The following RASGRF1 variants were observed in gnomAD, a reference collection of about 807,000 sequenced individuals.
The protein encoded by RASGRF1 is Ras protein specific guanine nucleotide releasing factor 1.
Under a neutral mutation model 138.7 loss-of-function variants are expected in RASGRF1, and 40 were observed. The observed-to-expected ratio is 0.29, with a 90% confidence interval of 0.22 to 0.38. The LOEUF (loss-of-function observed/expected upper bound fraction) is 0.38. Among genes scored for constraint, RASGRF1 ranks in the 10% least tolerant of loss-of-function variants. RASGRF1 has a pLI of 1.00. For missense variants in RASGRF1, 1,108 were observed against 1,650.4 expected, an observed-to-expected ratio of 0.67 and a Z score of 5.69; for synonymous variants, 614 against 663.2, an observed-to-expected ratio of 0.93 and a Z score of 1.14.
chr15:79,012,551 A>T (rs2056816763), intron 13 of RASGRF1: 1 of 1,613,982 alleles, frequency 6.2e-7, no homozygotes, highest in African/African-American at 1.3e-5. Flanking sequence ...CAGGCTTTAG[A>T]TTGGTAAGCA....
chr15:79,045,249 A>C (rs1044140248), intron 5 of RASGRF1, among the ~76,000 whole-genome samples: 1 of 152,190 alleles, frequency 6.6e-6, no homozygotes, highest in Non-Finnish European at 1.5e-5. Context: ...CCAGACCTAC[A>C]GATGGGCTTG....
At chr15:79,045,232 G>A (rs1285123592) in intron 5 of RASGRF1, among the ~76,000 whole-genome samples, 2 of 152,126 alleles carry the variant, frequency 1.3e-5, no homozygotes, top group Non-Finnish European at 2.9e-5. Context: ...AGTCCCCTGG[G>A]CTCCACCCAG....
At chr15:79,068,029 A>G (rs865963520) in intron 1 of RASGRF1, among the ~76,000 whole-genome samples, 2 of 151,990 alleles carry the variant, frequency 1.3e-5, no homozygotes, top group Non-Finnish European at 2.9e-5. Flanking sequence ...TGGTGTGGGG[A>G]AAAAAAAGGG....
chr15:78,976,352 C>G (rs1484007263), intron 24 of RASGRF1, among the ~76,000 whole-genome samples: 1 of 151,918 alleles, frequency 6.6e-6, no homozygotes, highest in African/African-American at 2.4e-5. Flanking sequence ...TTGGGCCACA[C>G]GTAAAATACA....
intron 24 of RASGRF1, among the ~76,000 whole-genome samples, chr15:78,976,993 C>A (rs1470109480): frequency 3.3e-5 from 5 of 152,264 alleles, no homozygotes; most frequent in African/African-American, 9.6e-5. Flanking sequence ...ATGCTGGTGA[C>A]ACCTGGCCTT....
At chr15:79,005,979 C>A (rs1251868694) in intron 14 of RASGRF1, among the ~76,000 whole-genome samples, 1 of 152,176 alleles carries the variant, frequency 6.6e-6, no homozygotes, top group African/African-American at 2.4e-5. Flanking sequence ...TAGCACCAGG[C>A]AGGTGAGCTG....
Position 79,046,857 on chromosome 15 carries a change from A to G in RASGRF1, c.767T>C (p.Val256Ala). ...FSMLEAEAEY[V>A]QQLHILVNNF... ...GTTGACAAGGATGTGCAGCTGCTGC[A>G]CGTACTCAGCCTCAGCCTCCAGCAT... is the stretch of plus-strand genomic sequence containing the variant. The change falls in exon 5 of 27, where the codon GTG becomes GCG. Residue 256 changes from valine to alanine, a missense_variant. Physicochemically the swap from Val to Ala is moderately conservative, Grantham distance 64. Transcript: ENST00000558480. This position sits in a 1 kb window ranked among gnomAD's most constrained non-coding sequence, Gnocchi z 5.3. The G allele has an allele frequency of 6.2e-7, 1 of 1,614,222 alleles. No homozygotes were observed. Among genetic ancestry groups the G allele is most frequent in the Non-Finnish European group, 8.5e-7 (1 of 1,180,038 alleles).
Position 78,979,053 on chromosome 15 carries a change from G to A in RASGRF1, c.3494+1567C>T, listed in dbSNP as rs563677624. The A allele has an allele frequency of 7.4e-5, 95 of 1,291,524 alleles. No homozygotes were observed. In the South Asian group the frequency reaches 1.2e-3, roughly 16 times the overall value. 80.0% of individuals were successfully genotyped at this position (1,291,524 alleles called of 1,614,324 possible). On this transcript the variant is annotated intron_variant, in intron 24 of 26. Coordinates refer to ENST00000558480, the MANE Select transcript of RASGRF1 (RefSeq NM_001145648.3). ...GCAGACGAGGAAGCCAGCCATGTGA[G>A]GAGGTGGATGGAGTGGTGCCCCGGG...
chr15:79,058,288 A>G, intron 3 of RASGRF1, 46 bp downstream of exon 3: 1 of 1,588,536 alleles, frequency 6.3e-7, no homozygotes, highest in Non-Finnish European at 8.6e-7. Flanking sequence ...CCAGGGTTTG[A>G]GATGTTGTGC....
At chr15:79,075,358 G>A (rs1175671645) in intron 1 of RASGRF1, among the ~76,000 whole-genome samples, 1 of 152,182 alleles carries the variant, frequency 6.6e-6, no homozygotes, top group Non-Finnish European at 1.5e-5. Context: ...CAGTTGACCT[G>A]GCGGTGCCTG....
chr15:78,979,296 AGAG>A lies in RASGRF1; in HGVS notation c.3494+1321_3494+1323del, dbSNP rs929487212. 9 of 894,758 alleles carry A rather than the reference AGAG, an allele frequency of 1.0e-5. No homozygotes were observed. In the African/African-American group the frequency reaches 1.6e-4, roughly 16 times the overall value. The allele number at this position is 894,758 out of a possible 1,614,324, so 55.4% of individuals were successfully genotyped here. On this transcript the variant is annotated intron_variant, in intron 24 of 26. Transcript: ENST00000558480. ...CAAATGCGGCAGGAAGAAAACGCAA[AGAG>A]GAGGCAGACGAGGCTGGCAGAGGGG...
At chr15:78,971,480 G>A (rs759218036) in intron 26 of RASGRF1, among the ~76,000 whole-genome samples, 11 of 152,176 alleles carry the variant, frequency 7.2e-5, no homozygotes, top group African/African-American at 2.2e-4. Context: ...AGAAACGGGC[G>A]GAAATGTTGC....
rs549592007 is a variant in RASGRF1, at chr15:79,070,925, T to C, written c.277-6399A>G. On this transcript the variant is annotated intron_variant, in intron 1 of 26. Coordinates refer to ENST00000558480, the MANE Select transcript of RASGRF1 (RefSeq NM_001145648.3). The stretch of plus-strand genomic sequence containing the variant: ...GACACAAAGTTGTTGAGGATCTGAA[T>C]TGCCCATCTCGTGGGTGACTGGTGG... 7.4e-4 allele frequency among the ~76,000 whole-genome samples: 113 copies of C among 152,274 alleles called. 1 individual carries two copies. Among genetic ancestry groups the C allele is most frequent in the African/African-American group, 2.6e-3 (107 of 41,546 alleles).
chr15:78,964,054 C>T (rs986124879), intron 26 of RASGRF1, among the ~76,000 whole-genome samples: 2 of 152,082 alleles, frequency 1.3e-5, no homozygotes, highest in African/African-American at 2.4e-5. Context: ...GAACTCTTGA[C>T]CTGACTTGGC....
intron 17 of RASGRF1, among the ~76,000 whole-genome samples, chr15:78,999,309 C>G (rs2056465347): frequency 6.6e-6 from 1 of 152,084 alleles, no homozygotes. Context: ...TCAGCACTAG[C>G]AAAGGCCTGC....
rs532782355 is a variant in RASGRF1 at position 79,010,785 on chromosome 15, C to T, written c.1827-4351G>A. 3.9e-5 allele frequency among the ~76,000 whole-genome samples: 6 copies of T among 152,284 alleles called. No homozygotes were observed. In the South Asian group the frequency reaches 1.2e-3, roughly 32 times the overall value. On this transcript the variant is annotated intron_variant, in intron 13 of 26. Transcript: ENST00000558480. The stretch of plus-strand genomic sequence containing the variant: ...GAGGCCACATGTTGGGGCAGGGCCT[C>T]AGCCCCAGGAGCCTGGCAGGTGGAA...
At chr15:79,057,633 A>C (rs563640199) in intron 3 of RASGRF1, among the ~76,000 whole-genome samples, 1 of 152,346 alleles carries the variant, frequency 6.6e-6, no homozygotes, top group South Asian at 2.1e-4. Context: ...TAAGGGACTA[A>C]GAGCTAGTGC....
chr15:79,044,763 C>T (rs1246408586), intron 5 of RASGRF1, among the ~76,000 whole-genome samples: 1 of 152,182 alleles, frequency 6.6e-6, no homozygotes, highest in African/African-American at 2.4e-5. Flanking sequence ...TCCCCCTTTC[C>T]TCTTTCTCAT....
intron 22 of RASGRF1, 52 bp from the exon 23 acceptor site, chr15:78,985,256 A>G: frequency 6.8e-7 from 1 of 1,469,576 alleles, no homozygotes; most frequent in Non-Finnish European, 9.4e-7. Flanking sequence ...TATTGCAAAG[A>G]TGATAAATGG....
Sources: gnomAD v4.1 joint callset for allele counts (sites outside exome capture counted in the v4.1 genomes callset) on GRCh38, gnomAD v4.1.1 for gene constraint, Gnocchi (gnomAD v3.1) non-coding constraint, MANE v1.5 for transcripts, NCBI Gene and HGNC (gene_info 2026-07-23, HGNC 2026-07-21) for gene names.